The following SGCD variants were observed in gnomAD, a reference collection of about 807,000 sequenced individuals.
SGCD encodes delta-sarcoglycan.
SGCD carries 18 observed loss-of-function variants against 36.6 expected under a neutral mutation model. The ratio of observed to expected loss-of-function variants is 0.49; its 90% CI spans 0.34 to 0.73. SGCD has a LOEUF of 0.73. SGCD is among the 30% of genes least tolerant of loss of function. SGCD has a pLI of 0.01. For missense variants in SGCD, 387 were observed against 346.7 expected, an observed-to-expected ratio of 1.12 and a Z score of -0.92; for synonymous variants, 133 against 130.6, an observed-to-expected ratio of 1.02 and a Z score of -0.12.
chr5:156,416,966 C>T (rs1561681534), intron 3 of SGCD, among the ~76,000 whole-genome samples: 1 of 152,106 alleles, frequency 6.6e-6, no homozygotes, highest in East Asian at 1.9e-4. Context: ...ACAACTTTGG[C>T]TCTAAGTCAA....
At chr5:155,760,040 T>C in the SGCD span, among the ~76,000 whole-genome samples, 9 of 151,968 alleles carry the variant, frequency 5.9e-5, no homozygotes, top group Admixed American at 2.6e-4. Context: ...AAATTTGAGA[T>C]GTTTATCTCA....
rs1050935613 is a variant in SGCD, at chr5:156,553,058, G to A, written c.295-36173G>A. Among the ~76,000 whole-genome samples, 27 of 152,200 alleles carry A rather than the reference G, an allele frequency of 1.8e-4. 1 individual carries two copies. The highest frequency in any genetic ancestry group is 3.8e-4 in the Non-Finnish European group (26 of 68,036). ...TCAGGCTGCTTCCAAAAGGCGAAGG[G>A]CAGCCAGCGTGTGTGGAGATCACAT... On this transcript the variant is annotated intron_variant, in intron 4 of 8. Coordinates refer to ENST00000337851, the MANE Select transcript of SGCD (RefSeq NM_000337.6).
At chr5:155,992,198 T>C (rs1030970812) in intron 1 of SGCD, among the ~76,000 whole-genome samples, 3 of 152,318 alleles carry the variant, frequency 2.0e-5, no homozygotes, top group Admixed American at 6.5e-5. Context: ...CTCAGATAGA[T>C]ATAGACCTCT....
chr5:155,782,904 T>C, the SGCD span, among the ~76,000 whole-genome samples: 2 of 152,114 alleles, frequency 1.3e-5, no homozygotes, highest in Non-Finnish European at 2.9e-5. Context: ...ATGAAACCAG[T>C]CCCTGGTGCT....
chr5:156,766,315 G>A lies in SGCD; in HGVS notation c.*6925G>A, dbSNP rs1241151650. 1 of 151,856 alleles carries A rather than the reference G, an allele frequency of 6.6e-6. No homozygotes were observed. The highest frequency in any genetic ancestry group is 1.5e-5 in the Non-Finnish European group (1 of 67,998). 9.4% of individuals were successfully genotyped at this position (151,856 alleles called of 1,614,324 possible). A position where few individuals can be genotyped will look rare whatever the true frequency, so the allele number is the denominator to read the frequency against. ...TATCATTGTCTCTGTTTCCCTATAA[G>A]AAAGAACTACCAGGGACTCACTGAC... On this transcript the variant is annotated 3_prime_UTR_variant, in exon 9 of 9. Transcript: ENST00000337851.
chr5:156,185,458 C>A (rs998765967), intron 3 of SGCD, among the ~76,000 whole-genome samples: 1 of 152,044 alleles, frequency 6.6e-6, no homozygotes, highest in African/African-American at 2.4e-5. Context: ...TTGTGATCCG[C>A]CCGCCTTGGC....
At chr5:155,850,418 CAGAGAG>C in the SGCD span, among the ~76,000 whole-genome samples, 1 of 149,114 alleles carries the variant, frequency 6.7e-6, no homozygotes, top group Non-Finnish European at 1.5e-5. Context: ...GAGACAGAGA[CAGAGAG>C]AGAGAGAGAG....
intron 3 of SGCD, among the ~76,000 whole-genome samples, chr5:156,204,818 A>G (rs1319082991): frequency 1.3e-5 from 2 of 152,152 alleles, no homozygotes; most frequent in East Asian, 3.9e-4. Flanking sequence ...GTAAGTCGTA[A>G]GTAGCTACTT....
At chr5:156,156,164 A>C (rs1400639994) in intron 3 of SGCD, among the ~76,000 whole-genome samples, 2 of 151,644 alleles carry the variant, frequency 1.3e-5, no homozygotes, top group African/African-American at 2.4e-5. Flanking sequence ...GGTCTTAAAG[A>C]TGTTGTAATG....
chr5:156,643,924 T>G (rs1763135086), intron 6 of SGCD, among the ~76,000 whole-genome samples: 1 of 152,170 alleles, frequency 6.6e-6, no homozygotes, highest in African/African-American at 2.4e-5. Flanking sequence ...TTTGAATCTA[T>G]TGAACATTTT....
the SGCD span, among the ~76,000 whole-genome samples, chr5:155,766,421 A>G: frequency 0.038 from 5,732 of 152,158 alleles, 164 homozygotes; most frequent in Non-Finnish European, 0.055. Flanking sequence ...CCTGGCTTTG[A>G]TAGAAGAATG....
chr5:156,320,350 G>T (rs906412750), intron 3 of SGCD, among the ~76,000 whole-genome samples: 2 of 152,122 alleles, frequency 1.3e-5, no homozygotes, highest in Middle Eastern at 3.2e-3. Context: ...ACTATGGAGT[G>T]CCTATCATGT....
rs551760222 is a variant in SGCD, at chr5:156,473,969, T to G, written c.193-34632T>G. On this transcript the variant is annotated intron_variant, in intron 3 of 8. Coordinates refer to ENST00000337851, the MANE Select transcript of SGCD (RefSeq NM_000337.6). ...CTGTAGCTGTTTTTTTGTGTGTGGG[T>G]TTTTTTTTTTTTCTGGACACTGTTA... Among the ~76,000 whole-genome samples, 68 of 103,034 alleles carry G rather than the reference T, an allele frequency of 6.6e-4. 1 individual carries two copies. The highest frequency in any genetic ancestry group is 2.4e-3 in the East Asian group (12 of 4,932). 67.6% of individuals were successfully genotyped at this position (103,034 alleles called of 152,430 possible). A position where few individuals can be genotyped will look rare whatever the true frequency, so the allele number is the denominator to read the frequency against.
At chr5:156,262,575 G>T (rs929779771) in intron 3 of SGCD, among the ~76,000 whole-genome samples, 1 of 152,040 alleles carries the variant, frequency 6.6e-6, no homozygotes, top group Admixed American at 6.6e-5. Flanking sequence ...GGAACAGGTG[G>T]TGTTTGGTTA....
intron 3 of SGCD, among the ~76,000 whole-genome samples, chr5:156,418,443 A>C (rs1480991290): frequency 6.6e-6 from 1 of 152,172 alleles, no homozygotes; most frequent in Non-Finnish European, 1.5e-5. Flanking sequence ...CATTATGTAC[A>C]GGACACCACC....
At chr5:156,454,000 G>C (rs567675465) in intron 3 of SGCD, among the ~76,000 whole-genome samples, 3 of 152,294 alleles carry the variant, frequency 2.0e-5, no homozygotes, top group African/African-American at 7.2e-5. Context: ...GAATCTGTTG[G>C]AGTTAGAAGT....
chr5:155,986,675 C>G (rs1331856252), intron 1 of SGCD, among the ~76,000 whole-genome samples: 1 of 152,154 alleles, frequency 6.6e-6, no homozygotes, highest in Non-Finnish European at 1.5e-5. Context: ...CTACAGAATG[C>G]ACATAAATCA....
intron 4 of SGCD, among the ~76,000 whole-genome samples, chr5:156,554,436 G>T (rs1022046889): frequency 6.7e-6 from 1 of 150,100 alleles, no homozygotes. Context: ...AATCTATTTT[G>T]TCATTATTGC....
chr5:155,868,802 G>C (rs1181707596), upstream of SGCD, among the ~76,000 whole-genome samples: 2 of 152,134 alleles, frequency 1.3e-5, no homozygotes, highest in African/African-American at 2.4e-5. Context: ...ATGTTGGTTT[G>C]ATGAGTGGTG....
Sources: gnomAD v4.1 joint callset for allele counts (sites outside exome capture counted in the v4.1 genomes callset) on GRCh38, gnomAD v4.1.1 for gene constraint, MANE v1.5 for transcripts, NCBI Gene and HGNC (gene_info 2026-07-23, HGNC 2026-07-21) for gene names.